Variants in CSMD1 observed in about 807,000 individuals in gnomAD.
CSMD1 encodes the protein CUB and sushi domain-containing protein 1.
A neutral mutation model predicts 417.5 loss-of-function variants in CSMD1; 213 were observed. The ratio of observed to expected loss-of-function variants is 0.51; its 90% CI spans 0.46 to 0.57. The LOEUF is 0.57. CSMD1 is among the 20% of genes least tolerant of loss of function. CSMD1 has a pLI of 0.00. For missense variants in CSMD1, 6,923 were observed against 4,529.7 expected (o/e 1.53, Z -15.17); for synonymous variants, 2,862 against 1,736.8 (o/e 1.65, Z -16.11).
At chr8:4,123,242 T>C (rs893581533) in intron 3 of CSMD1, among the ~76,000 whole-genome samples, 1 of 152,170 alleles carries the variant, frequency 6.6e-6, no homozygotes, top group Non-Finnish European at 1.5e-5. Flanking sequence ...GACAGAAACA[T>C]GTAGTAAATG....
chr8:4,402,873 G>A (rs938247211), intron 3 of CSMD1, among the ~76,000 whole-genome samples: 4 of 133,366 alleles, frequency 3.0e-5, no homozygotes, highest in Non-Finnish European at 3.1e-5. Context: ...AGGCTGGAGT[G>A]CAGCGGCGCA....
chr8:4,689,849 C>A (rs1040190042), intron 1 of CSMD1, among the ~76,000 whole-genome samples: 3 of 152,130 alleles, frequency 2.0e-5, no homozygotes, highest in Non-Finnish European at 4.4e-5. Context: ...TAATACTAGA[C>A]TCATTGTATG....
chr8:4,416,862 C>G (rs959962429), intron 3 of CSMD1, among the ~76,000 whole-genome samples: 4 of 152,054 alleles, frequency 2.6e-5, no homozygotes, highest in African/African-American at 9.6e-5. Flanking sequence ...AAACATTACA[C>G]AAATAAAATT....
chr8:4,583,678 C>A (rs951953257), intron 2 of CSMD1, among the ~76,000 whole-genome samples: 4 of 152,092 alleles, frequency 2.6e-5, no homozygotes, highest in Admixed American at 1.3e-4. Flanking sequence ...CTGATGGGGT[C>A]GTGGAGAACC....
chr8:4,658,094 A>G (rs1293666371), intron 1 of CSMD1, among the ~76,000 whole-genome samples: 3 of 152,124 alleles, frequency 2.0e-5, no homozygotes, highest in African/African-American at 4.8e-5. Context: ...ACAGAGCTTA[A>G]GAAACACATG....
intron 1 of CSMD1, among the ~76,000 whole-genome samples, chr8:4,959,500 A>G (rs1809336365): frequency 6.6e-6 from 1 of 152,190 alleles, no homozygotes; most frequent in South Asian, 2.1e-4. Flanking sequence ...TCTATCTTCA[A>G]ACGTATCCAG....
intron 5 of CSMD1, among the ~76,000 whole-genome samples, chr8:3,767,680 A>G (rs1798353033): frequency 6.6e-6 from 1 of 152,168 alleles, no homozygotes. Context: ...AGTAATACCT[A>G]TATATTATGT....
At chr8:4,121,516 C>G (rs190876949) in intron 3 of CSMD1, among the ~76,000 whole-genome samples, 1 of 151,916 alleles carries the variant, frequency 6.6e-6, no homozygotes, top group African/African-American at 2.4e-5. Flanking sequence ...TTAATTGTAA[C>G]CCTGACAGAT....
chr8:4,822,909 TTC>T (rs1799601301), intron 1 of CSMD1, among the ~76,000 whole-genome samples: 1 of 152,116 alleles, frequency 6.6e-6, no homozygotes, highest in Non-Finnish European at 1.5e-5. Flanking sequence ...ACTGTGTACT[TTC>T]TGTGACTAAT....
chr8:4,086,358 C>G (rs1030564390), intron 3 of CSMD1, among the ~76,000 whole-genome samples: 43 of 152,164 alleles, frequency 2.8e-4, no homozygotes, highest in African/African-American at 1.0e-3. Context: ...AATACTGAAA[C>G]TTGAAATTTG....
chr8:3,702,802 C>T (rs1047209997), intron 7 of CSMD1, among the ~76,000 whole-genome samples: 1 of 152,210 alleles, frequency 6.6e-6, no homozygotes. Context: ...ACACTCCAGC[C>T]TGGGTGACAG....
At chr8:3,307,015 T>C (rs1161998807) in intron 25 of CSMD1, among the ~76,000 whole-genome samples, 2 of 133,688 alleles carry the variant, frequency 1.5e-5, no homozygotes. Context: ...TTGGTCTACC[T>C]CAAAGTTACT....
At chr8:4,634,992 C>T (rs187608670) in intron 2 of CSMD1, among the ~76,000 whole-genome samples, 1 of 152,056 alleles carries the variant, frequency 6.6e-6, no homozygotes, top group East Asian at 1.9e-4. Context: ...TGGCATTCTA[C>T]GTATGCGGAT....
rs1291878889 is a variant in CSMD1 at position 3,110,450 on chromosome 8, G to A, written c.6431-115C>T. 33 of 792,988 alleles carry A rather than the reference G, an allele frequency of 4.2e-5. No homozygotes were observed. In the East Asian group the frequency reaches 9.5e-4, roughly 23 times the overall value. 49.1% of individuals were successfully genotyped at this position (792,988 alleles called of 1,614,324 possible). On this transcript the variant is annotated intron_variant, in intron 42 of 69. Coordinates refer to ENST00000635120, the MANE Select transcript of CSMD1 (RefSeq NM_033225.6). Reference sequence around the variant, plus strand: ...ACATTTTTCCTGATGGGAAATAGGTGTGAAATATTTCTGAATCACCATTTT... The same window carrying A: ...ACATTTTTCCTGATGGGAAATAGGTATGAAATATTTCTGAATCACCATTTT...
intron 10 of CSMD1, among the ~76,000 whole-genome samples, chr8:3,497,406 A>AT (rs1442935686): frequency 9.7e-6 from 1 of 103,336 alleles, no homozygotes; most frequent in South Asian, 2.9e-4. Flanking sequence ...CTTTCCATTT[A>AT]TTTATTTATT....
chr8:3,790,367 C>G (rs535263915), intron 5 of CSMD1, among the ~76,000 whole-genome samples: 3 of 151,808 alleles, frequency 2.0e-5, no homozygotes, highest in African/African-American at 7.3e-5. Context: ...GTGATAGTGA[C>G]GGTGATGGTT....
intron 3 of CSMD1, among the ~76,000 whole-genome samples, chr8:4,082,679 A>C (rs1285470686): frequency 2.0e-5 from 3 of 151,838 alleles, no homozygotes; most frequent in African/African-American, 7.3e-5. Flanking sequence ...TTAGTTACAT[A>C]TGCATACATG....
intron 12 of CSMD1, among the ~76,000 whole-genome samples, chr8:3,434,334 G>C (rs1004105439): frequency 1.3e-5 from 2 of 152,082 alleles, no homozygotes; most frequent in African/African-American, 2.4e-5. Flanking sequence ...GTTCCTATAT[G>C]TAATACCAAA....
At chr8:4,970,922 GTTACC>G (rs1248388617) in intron 1 of CSMD1, among the ~76,000 whole-genome samples, 1 of 152,080 alleles carries the variant, frequency 6.6e-6, no homozygotes, top group Non-Finnish European at 1.5e-5. Context: ...AAAGGTTGGA[GTTACC>G]TTACAATTCC....
Sources: allele counts gnomAD v4.1 joint callset (sites outside exome capture counted in the v4.1 genomes callset), GRCh38; gene constraint gnomAD v4.1.1; transcripts MANE v1.5; gene names NCBI Gene and HGNC (gene_info 2026-07-23, HGNC 2026-07-21).